RAB38: variants seen among roughly 807,000 people sequenced by gnomAD.
The protein encoded by RAB38 is ras-related protein Rab-38.
A neutral mutation model predicts 18.4 loss-of-function variants in RAB38; 15 were observed. That is an observed-to-expected ratio of 0.82 (90% CI 0.55 to 1.26). RAB38 has a LOEUF of 1.26. RAB38 is among the 50% of genes most tolerant of loss of function. RAB38 has a pLI of 0.00. For synonymous variants in RAB38, 101 were observed against 104.4 expected (o/e 0.97, Z 0.20); for missense variants, 294 against 267.4 (o/e 1.10, Z -0.69).
At chr11:87,848,774 A>C in the RAB38 span, among the ~76,000 whole-genome samples, 1 of 152,148 alleles carries the variant, frequency 6.6e-6, no homozygotes, top group South Asian at 2.1e-4. Flanking sequence ...TGAAAATTTT[A>C]AAAAGCTGAG....
chr11:87,977,256 T>TATATTATACAAGTATATTATAAAATATA, the RAB38 span, among the ~76,000 whole-genome samples: 1 of 127,768 alleles, frequency 7.8e-6, no homozygotes, highest in African/African-American at 3.2e-5. Context: ...AAAATATAAT[T>TATATTATACAAGTATATTATAAAATATA]ATATTATACA....
At chr11:88,149,582 C>T in intron 2 of RAB38, 93 bp downstream of exon 2, 5 of 1,418,170 alleles carry the variant, frequency 3.5e-6, no homozygotes, top group South Asian at 2.8e-5. Context: ...ACTAAACAAA[C>T]ATATTATTAT....
chr11:88,173,494 G>T, intron 1 of RAB38: 1 of 979,516 alleles, frequency 1.0e-6, no homozygotes, highest in South Asian at 4.7e-5. Context: ...ATTAATCACT[G>T]TACCCTTCCA....
chr11:87,846,741 A>G, the RAB38 span, among the ~76,000 whole-genome samples: 1 of 152,058 alleles, frequency 6.6e-6, no homozygotes, highest in African/African-American at 2.4e-5. Flanking sequence ...AAGAATATAT[A>G]TTGGTCTCAA....
the RAB38 span, among the ~76,000 whole-genome samples, chr11:87,845,082 G>C: frequency 6.6e-6 from 1 of 152,142 alleles, no homozygotes; most frequent in Non-Finnish European, 1.5e-5. Flanking sequence ...TCCACAGAAA[G>C]TAAAATAGAA....
At chr11:87,886,928 C>T in the RAB38 span, among the ~76,000 whole-genome samples, 1 of 150,456 alleles carries the variant, frequency 6.6e-6, no homozygotes, top group Admixed American at 6.6e-5. Flanking sequence ...TTATATCTGT[C>T]ACTCAAACAG....
At chr11:88,130,391 C>CA (rs1264615985) in intron 2 of RAB38, among the ~76,000 whole-genome samples, 1 of 152,118 alleles carries the variant, frequency 6.6e-6, no homozygotes, top group Non-Finnish European at 1.5e-5. Flanking sequence ...AGTCTAAGGA[C>CA]AAACTTGAAG....
the RAB38 span, among the ~76,000 whole-genome samples, chr11:88,036,361 T>C: frequency 1.3e-5 from 2 of 152,198 alleles, no homozygotes; most frequent in South Asian, 2.1e-4. Context: ...CAGAGTAACA[T>C]TGCTTCTGAA....
the RAB38 span, among the ~76,000 whole-genome samples, chr11:87,942,294 G>C: frequency 1.3e-5 from 2 of 152,118 alleles, no homozygotes; most frequent in Admixed American, 6.6e-5. Flanking sequence ...CCCAGCTGAT[G>C]TTGCTGGTTT....
At chr11:88,029,832 G>C in the RAB38 span, among the ~76,000 whole-genome samples, 4 of 152,114 alleles carry the variant, frequency 2.6e-5, no homozygotes, top group East Asian at 3.9e-4. Flanking sequence ...GAGACAGAAA[G>C]TCAACAAGGA....
chr11:88,128,943 G>A (rs1039668238), intron 2 of RAB38, among the ~76,000 whole-genome samples: 13 of 152,146 alleles, frequency 8.5e-5, no homozygotes, highest in African/African-American at 2.9e-4. Flanking sequence ...GTTGGGAGGA[G>A]GAGCTCAAAC....
At chr11:87,829,748 G>A in the RAB38 span, among the ~76,000 whole-genome samples, 9 of 152,146 alleles carry the variant, frequency 5.9e-5, no homozygotes, top group Admixed American at 5.9e-4. Context: ...GGGAAGATCA[G>A]GCAAGAAACT....
chr11:87,852,029 TGGA>T, the RAB38 span, among the ~76,000 whole-genome samples: 1 of 152,196 alleles, frequency 6.6e-6, no homozygotes, highest in East Asian at 1.9e-4. Flanking sequence ...TGCACAGTCA[TGGA>T]GAATTATAAT....
chr11:88,022,304 T>TAA, the RAB38 span, among the ~76,000 whole-genome samples: 1 of 145,796 alleles, frequency 6.9e-6, no homozygotes, highest in African/African-American at 2.6e-5. Context: ...ACTTTATGAT[T>TAA]AAAAAAAAAC....
chr11:88,040,974 A>G, the RAB38 span, among the ~76,000 whole-genome samples: 1 of 152,228 alleles, frequency 6.6e-6, no homozygotes, highest in Non-Finnish European at 1.5e-5. Context: ...AACTTGCTTC[A>G]GAACTTTGTG....
In RAB38 at chr11:88,157,771, T is replaced by A. The variant is rs544934198; in HGVS notation, c.203-7816A>T. Reference sequence around the variant, plus strand: ...AAACAATAAAATAAAGGATAATTTTTAAAAAATCTTTTAAATAAACAAAAA... The same window carrying A: ...AAACAATAAAATAAAGGATAATTTTAAAAAAATCTTTTAAATAAACAAAAA... On this transcript the variant is annotated intron_variant, in intron 1 of 2. Coordinates refer to ENST00000243662, the MANE Select transcript of RAB38 (RefSeq NM_022337.3). Among the ~76,000 whole-genome samples, 9 of 152,226 alleles carry A rather than the reference T, an allele frequency of 5.9e-5. No individual in the cohort carries two copies. In the South Asian group the frequency reaches 1.0e-3, roughly 18 times the overall value.
chr11:88,014,792 G>T, the RAB38 span, among the ~76,000 whole-genome samples: 1 of 152,104 alleles, frequency 6.6e-6, no homozygotes, highest in Non-Finnish European at 1.5e-5. Flanking sequence ...GTGCAATAAG[G>T]CCAGGTGGCA....
chr11:87,853,132 G>T, the RAB38 span, among the ~76,000 whole-genome samples: 1 of 152,136 alleles, frequency 6.6e-6, no homozygotes, highest in Non-Finnish European at 1.5e-5. Context: ...TATGGTCAGC[G>T]ACGTCTGGAA....
chr11:87,934,434 C>T, the RAB38 span, among the ~76,000 whole-genome samples: 1 of 152,098 alleles, frequency 6.6e-6, no homozygotes, highest in Non-Finnish European at 1.5e-5. Flanking sequence ...ATGCTAACCT[C>T]ATAGGTAGCC....
Sources: allele counts gnomAD v4.1 joint callset (sites outside exome capture counted in the v4.1 genomes callset), GRCh38; gene constraint gnomAD v4.1.1; transcripts MANE v1.5; gene names NCBI Gene and HGNC (gene_info 2026-07-23, HGNC 2026-07-21).